The following GALNT16 variants were observed in gnomAD, a reference collection of about 807,000 sequenced individuals.
GALNT16 encodes UDP-GalNAc:polypeptide N-acetylgalactosaminyltransferase-like protein 1.
In GALNT16, 40 loss-of-function variants were observed where a neutral mutation model predicts 76.1. That is an observed-to-expected ratio of 0.53 (90% CI 0.41 to 0.68). The LOEUF (loss-of-function observed/expected upper bound fraction) is 0.68. Ranked by LOEUF, GALNT16 falls within the 30% of genes least tolerant of loss-of-function variation. The pLI, the probability that GALNT16 is intolerant of heterozygous loss-of-function variation, is 0.00. For missense variants in GALNT16, 621 were observed against 731.9 expected (o/e 0.85, Z 1.75); for synonymous variants, 276 against 285.2 (o/e 0.97, Z 0.32).
At chr14:69,277,476 T>C (rs1486795451) in intron 1 of GALNT16, among the ~76,000 whole-genome samples, 1 of 152,226 alleles carries the variant, frequency 6.6e-6, no homozygotes, top group African/African-American at 2.4e-5. Context: ...ATGCAGTGTT[T>C]GGTTTTCTGT....
At chr14:69,368,617 T>C in the GALNT16 span, among the ~76,000 whole-genome samples, 1 of 152,148 alleles carries the variant, frequency 6.6e-6, no homozygotes, top group East Asian at 1.9e-4. Flanking sequence ...AGGAGAGTCA[T>C]TCATAAGTTC....
chr14:69,260,896 C>G (rs530520155), intron 1 of GALNT16, among the ~76,000 whole-genome samples: 238 of 151,940 alleles, frequency 1.6e-3, no homozygotes, highest in Middle Eastern at 0.01. Context: ...CGCAGCCCCT[C>G]TCCAGCCTTC....
intron 1 of GALNT16, among the ~76,000 whole-genome samples, chr14:69,314,097 A>G (rs2045066780): frequency 6.6e-6 from 1 of 152,254 alleles, no homozygotes; most frequent in Non-Finnish European, 1.5e-5. Flanking sequence ...TGGCCTGGAC[A>G]TCAGGCTTTT....
chr14:69,351,890 T>C (rs2045641205), intron 14 of GALNT16, 141 bp from the exon 15 acceptor site: 2 of 743,636 alleles, frequency 2.7e-6, no homozygotes, highest in Non-Finnish European at 2.1e-6. Context: ...AACAAGGTCA[T>C]GCCTAAAAAG....
At chr14:69,320,085 A>ACC (rs150634702) in intron 1 of GALNT16, among the ~76,000 whole-genome samples, 21 of 140,462 alleles carry the variant, frequency 1.5e-4, no homozygotes, top group African/African-American at 4.7e-4. Context: ...TCCAGGACTC[A>ACC]CCCCCCCAAT....
At chr14:69,326,758 G>A (rs12100668) in intron 5 of GALNT16, among the ~76,000 whole-genome samples, 80,889 of 152,070 alleles carry the variant, frequency 0.53, 22,305 homozygotes, top group Non-Finnish European at 0.6. Flanking sequence ...GCGGGCATCC[G>A]GTTTGCTACT....
intron 1 of GALNT16, among the ~76,000 whole-genome samples, chr14:69,315,004 T>C (rs1325039982): frequency 6.6e-6 from 1 of 152,214 alleles, no homozygotes. Context: ...TTTAGGGGTA[T>C]GTGTATGTTT....
At chr14:69,369,920 C>G in the GALNT16 span, among the ~76,000 whole-genome samples, 1 of 152,300 alleles carries the variant, frequency 6.6e-6, no homozygotes, top group South Asian at 2.1e-4. Flanking sequence ...AACACATTTG[C>G]TCTTCTCCTT....
chr14:69,283,481 G>A (rs2140119272), intron 1 of GALNT16, among the ~76,000 whole-genome samples: 1 of 152,298 alleles, frequency 6.6e-6, no homozygotes, highest in African/African-American at 2.4e-5. Flanking sequence ...GTCACACTTG[G>A]CCTCTTACGA....
chr14:69,276,764 T>G (rs1431069386), intron 1 of GALNT16, among the ~76,000 whole-genome samples: 2 of 152,138 alleles, frequency 1.3e-5, no homozygotes, highest in Middle Eastern at 6.9e-3. Flanking sequence ...GTGCAAGTAA[T>G]AGTATTCTTT....
At chr14:69,374,471 C>A in the GALNT16 span, among the ~76,000 whole-genome samples, 1 of 152,116 alleles carries the variant, frequency 6.6e-6, no homozygotes, top group Non-Finnish European at 1.5e-5. Context: ...AGGCATTTTC[C>A]TATGCTACCT....
chr14:69,341,685 G>A lies in GALNT16; in HGVS notation c.1192G>A (p.Ala398Thr). ...SAIGKAFGSV[A>T]TRIEQRKKMN... is the part of the protein sequence containing the mutation. ...AAGCCCTGCCTCCTCCTACAGTGTG[G>A]CTACGCGGATAGAGCAGAGGAAGAA... The change falls in exon 12 of 15, where the codon GCT (alanine) becomes ACT (threonine). Residue 398 changes from alanine (A) to threonine (T), a missense_variant. Physicochemically the swap from Ala to Thr is moderately conservative, Grantham distance 58. Coordinates refer to ENST00000448469, the MANE Select transcript of GALNT16 (RefSeq NM_001168368.2). 1 of 1,609,828 alleles carries A rather than the reference G, an allele frequency of 6.2e-7. No individual in the cohort carries two copies. The highest frequency in any genetic ancestry group is 1.7e-5 in the Admixed American group (1 of 59,870).
intron 13 of GALNT16, 70 bp downstream of exon 13, chr14:69,347,251 T>A (rs934394174): frequency 7.8e-6 from 11 of 1,401,772 alleles, no homozygotes; most frequent in Non-Finnish European, 1.1e-5. Flanking sequence ...GGTGAGGGAC[T>A]TCCCCCTACT....
At chr14:69,328,623 G>C in intron 6 of GALNT16, 52 bp downstream of exon 6, 1 of 1,581,062 alleles carries the variant, frequency 6.3e-7, no homozygotes, top group Non-Finnish European at 8.6e-7. Context: ...CAGCCACTAC[G>C]TTCCTGGCAC....
chr14:69,308,476 T>C (rs11624426), intron 1 of GALNT16, among the ~76,000 whole-genome samples: 1 of 152,226 alleles, frequency 6.6e-6, no homozygotes, highest in South Asian at 2.1e-4. Context: ...AATCACACTG[T>C]ATATATTTAT....
the GALNT16 span, among the ~76,000 whole-genome samples, chr14:69,382,660 C>T: frequency 2.2e-4 from 32 of 148,770 alleles, no homozygotes; most frequent in Admixed American, 4.7e-4. Context: ...TGTGAAACCC[C>T]GTCTCCACCA....
chr14:69,324,842 T>G (rs779577367), intron 3 of GALNT16, 52 bp downstream of exon 3: 1 of 1,229,302 alleles, frequency 8.1e-7, no homozygotes, highest in Non-Finnish European at 1.1e-6. Flanking sequence ...GGGGAGGACA[T>G]TGGGATTGGG....
At chr14:69,316,001 T>C (rs531650621) in intron 1 of GALNT16, among the ~76,000 whole-genome samples, 6 of 152,344 alleles carry the variant, frequency 3.9e-5, no homozygotes, top group South Asian at 2.1e-4. Flanking sequence ...AAGATTCTGA[T>C]TGGCCCAGAT....
chr14:69,360,688 A>C (rs961268756), downstream of GALNT16, among the ~76,000 whole-genome samples: 42 of 152,220 alleles, frequency 2.8e-4, no homozygotes, highest in African/African-American at 9.9e-4. Flanking sequence ...GAAAGAAAAA[A>C]GAAAAGAAAA....
Sources: allele counts gnomAD v4.1 joint callset (sites outside exome capture counted in the v4.1 genomes callset), GRCh38; gene constraint gnomAD v4.1.1; transcripts MANE v1.5; gene names NCBI Gene and HGNC (gene_info 2026-07-23, HGNC 2026-07-21).